C11orf52: variants seen among roughly 807,000 people sequenced by gnomAD.
C11orf52 encodes chromosome 11 open reading frame 52.
In C11orf52, 9 loss-of-function variants were observed where a neutral mutation model predicts 11.7. The observed-to-expected ratio is 0.77, with a 90% CI of 0.46 to 1.34. The LOEUF (loss-of-function observed/expected upper bound fraction) is 1.34. Among genes scored for constraint, C11orf52 ranks in the 40% most tolerant of loss-of-function variants. C11orf52 has a pLI of 0.00. For missense variants in C11orf52, 139 were observed against 154.8 expected (o/e 0.90, Z 0.54); for synonymous variants, 49 against 57.4 (o/e 0.85, Z 0.66).
Position 111,926,216 on chromosome 11 carries a change from C to T in C11orf52, c.*17C>T, listed in dbSNP as rs1229964164. ...CTGGTGTGAGCGCTTGGGAGGAAGG[C>T]CCAGTCCATCGTTAACCACTACACC... On this transcript the variant is annotated 3_prime_UTR_variant, in exon 4 of 4. Transcript: ENST00000278601. 1 of 1,611,896 alleles carries T rather than the reference C, an allele frequency of 6.2e-7. No homozygotes were observed. The highest frequency in any genetic ancestry group is 8.5e-7 in the Non-Finnish European group (1 of 1,178,868).
rs887917821 is a variant in C11orf52, at chr11:111,926,249, G to C, written c.*50G>C. 41 of 1,601,370 alleles carry C rather than the reference G, an allele frequency of 2.6e-5. No homozygotes were observed. Among genetic ancestry groups the C allele is most frequent in the Non-Finnish European group, 3.3e-5 (39 of 1,171,672 alleles). On this transcript the variant is annotated 3_prime_UTR_variant, in exon 4 of 4. Coordinates refer to ENST00000278601, the MANE Select transcript of C11orf52 (RefSeq NM_080659.3). ...ATCGTTAACCACTACACCTGTGGGG[G>C]AGAACCTACTGCTTTGGGGAATTGG...
rs782088394 is a variant in C11orf52, at chr11:111,925,953, C to G, written c.133-7C>G. On this transcript the variant is annotated splice_polypyrimidine_tract_variant and splice_region_variant and intron_variant, in intron 3 of 3. Transcript: ENST00000278601. The stretch of plus-strand genomic sequence containing the variant: ...GAATCTCCCTTAATGCTATCCATTC[C>G]TCGCAGGGCCATGAAACAACAGGAC... 1 of 1,614,164 alleles carries G rather than the reference C, an allele frequency of 6.2e-7. No homozygotes were observed. The highest frequency in any genetic ancestry group is 1.7e-5 in the Admixed American group (1 of 60,024).
At chr11:111,925,612 G>C in intron 2 of C11orf52, 41 bp from the exon 3 acceptor site, 1 of 1,595,712 alleles carries the variant, frequency 6.3e-7, no homozygotes. Flanking sequence ...AGTAGAGACA[G>C]GGAAGAGAGA....
chr11:111,925,450 T>C (rs2137405521), intron 2 of C11orf52, among the ~76,000 whole-genome samples: 1 of 152,290 alleles, frequency 6.6e-6, no homozygotes, highest in East Asian at 1.9e-4. Flanking sequence ...TGGAAGATAT[T>C]ATGGCCAGAT....
chr11:111,925,967 A>G lies in C11orf52; in HGVS notation c.140A>G (p.Glu47Gly), dbSNP rs1555166914. The G allele has an allele frequency of 6.2e-7, 1 of 1,614,242 alleles. No homozygotes were observed. Among genetic ancestry groups the G allele is most frequent in the East Asian group, 2.2e-5 (1 of 44,886 alleles). ...GCTATCCATTCCTCGCAGGGCCATG[A>G]AACAACAGGACATACGTATGAACGG... is the stretch of plus-strand genomic sequence containing the variant. Reference protein sequence around the residue: ...QLQQNLPKGHETTGHTYERVL... With the variant: ...QLQQNLPKGHGTTGHTYERVL... The change falls in exon 4 of 4, where the codon GAA (glutamate) becomes GGA (glycine). Residue 47 changes from glutamate to glycine, a missense_variant. By Grantham distance (98) the Glu-to-Gly change is moderately conservative. Transcript: ENST00000278601.
chr11:111,925,051 G>A (rs944759964), intron 2 of C11orf52, among the ~76,000 whole-genome samples: 2 of 152,156 alleles, frequency 1.3e-5, no homozygotes, highest in Non-Finnish European at 2.9e-5. Flanking sequence ...TTGAACCCAG[G>A]AGATGGAGGT....
At chr11:111,923,256 T>C (rs1555166678) in intron 1 of C11orf52, among the ~76,000 whole-genome samples, 1 of 152,248 alleles carries the variant, frequency 6.6e-6, no homozygotes, top group Non-Finnish European at 1.5e-5. Flanking sequence ...CTGAACCACC[T>C]GTAGAGTTTG....
At chr11:111,921,654 C>T (rs1965701030) in intron 1 of C11orf52, among the ~76,000 whole-genome samples, 2 of 152,158 alleles carry the variant, frequency 1.3e-5, no homozygotes, top group African/African-American at 4.8e-5. Flanking sequence ...CTTTTATTCT[C>T]TTTCTTCCCA....
Position 111,926,380 on chromosome 11 carries a change from A to T in C11orf52, c.*181A>T. On this transcript the variant is annotated 3_prime_UTR_variant, in exon 4 of 4. Transcript: ENST00000278601. ...CCCTGGCCTCTTACTTGCCACTGTT[A>T]GGTTGGAGTTAATAGTTGGTTTAGC... is the stretch of plus-strand genomic sequence containing the variant. 1 of 888,472 alleles carries T rather than the reference A, an allele frequency of 1.1e-6. No individual in the cohort carries two copies. The highest frequency in any genetic ancestry group is 1.7e-6 in the Non-Finnish European group (1 of 597,786). 55.0% of individuals were successfully genotyped at this position (888,472 alleles called of 1,614,324 possible). A position where few individuals can be genotyped will look rare whatever the true frequency, so the allele number is the denominator to read the frequency against.
chr11:111,926,821 TG>T lies in C11orf52; in HGVS notation c.*624del, dbSNP rs1475646517. ...TGGAAACTTCCCTCGGAGGGACTGT[TG>T]GCTCTCGCAGGTGCGGGGCCGCTAG... On this transcript the variant is annotated 3_prime_UTR_variant, in exon 4 of 4. Coordinates refer to ENST00000278601, the MANE Select transcript of C11orf52 (RefSeq NM_080659.3). The T allele has an allele frequency of 2.0e-5, 3 of 153,078 alleles. No individual in the cohort carries two copies. The highest frequency in any genetic ancestry group is 3.8e-4 in the East Asian group (2 of 5,204). 9.5% of individuals were successfully genotyped at this position (153,078 alleles called of 1,614,324 possible).
In C11orf52 at chr11:111,926,233, C is replaced by T. The variant is rs782559926; in HGVS notation, c.*34C>T. 21 of 1,608,174 alleles carry T rather than the reference C, an allele frequency of 1.3e-5. No homozygotes were observed. The highest frequency in any genetic ancestry group is 1.6e-5 in the Non-Finnish European group (19 of 1,176,118). ...GAGGAAGGCCCAGTCCATCGTTAAC[C>T]ACTACACCTGTGGGGGAGAACCTAC... is the stretch of plus-strand genomic sequence containing the variant. On this transcript the variant is annotated 3_prime_UTR_variant, in exon 4 of 4. Transcript: ENST00000278601.
At chr11:111,920,265 G>C (rs1257036116) in intron 1 of C11orf52, among the ~76,000 whole-genome samples, 1 of 152,150 alleles carries the variant, frequency 6.6e-6, no homozygotes, top group African/African-American at 2.4e-5. Context: ...GTCGGATGCA[G>C]TGACTCACAC....
chr11:111,925,542 G>A (rs1171383662), intron 2 of C11orf52, 111 bp from the exon 3 acceptor site: 1 of 1,058,646 alleles, frequency 9.4e-7, no homozygotes, highest in African/African-American at 1.6e-5. Context: ...AATGGAGGCA[G>A]GGGGATTAGA....
intron 2 of C11orf52, 44 bp downstream of exon 2, chr11:111,924,407 G>C (rs201092192): frequency 1.3e-4 from 208 of 1,543,352 alleles, no homozygotes; most frequent in Non-Finnish European, 1.8e-4. Context: ...AGGCAAATTA[G>C]AGAAGACAAT....
chr11:111,924,840 G>T (rs1965760433), intron 2 of C11orf52, among the ~76,000 whole-genome samples: 2 of 152,196 alleles, frequency 1.3e-5, no homozygotes, highest in African/African-American at 4.8e-5. Flanking sequence ...TAATAGCAAA[G>T]GGCCAGGCGT....
chr11:111,919,447 T>TG (rs1965652942), intron 1 of C11orf52, among the ~76,000 whole-genome samples: 1 of 151,948 alleles, frequency 6.6e-6, no homozygotes, highest in Non-Finnish European at 1.5e-5. Flanking sequence ...CACTCCAGCC[T>TG]GGCAACAGAG....
chr11:111,920,460 C>T (rs1207640487), intron 1 of C11orf52, among the ~76,000 whole-genome samples: 2 of 151,886 alleles, frequency 1.3e-5, no homozygotes, highest in South Asian at 2.1e-4. Context: ...ATCCCTTAAG[C>T]TTGGGAGACA....
intron 1 of C11orf52, among the ~76,000 whole-genome samples, chr11:111,923,329 A>G (rs1555166687): frequency 6.6e-6 from 1 of 152,240 alleles, no homozygotes; most frequent in African/African-American, 2.4e-5. Context: ...ACATCAAAAC[A>G]GAAACCTCTG....
In C11orf52 at chr11:111,924,351, A is replaced by T. The variant is rs1566428005; in HGVS notation, c.58A>T (p.Lys20Ter). ...SWSCPSTFQK[K>*]KKTGSQTRRT... ...GAGCTGCCCATCAACTTTCCAGAAG[A>T]AAAAGAAAACAGGTAACTTTGGGGC... The change falls in exon 2 of 4, where the codon AAA becomes TAA. Residue 20 changes from lysine to a stop codon, truncating the protein, a stop_gained. Coordinates refer to ENST00000278601, the MANE Select transcript of C11orf52 (RefSeq NM_080659.3). LOFTEE classifies it high-confidence loss of function. 8 of 1,613,700 alleles carry T rather than the reference A, an allele frequency of 5.0e-6. No individual in the cohort carries two copies. Among genetic ancestry groups the T allele is most frequent in the Non-Finnish European group, 6.8e-6 (8 of 1,179,774 alleles).
Sources: gnomAD v4.1 joint callset for allele counts (sites outside exome capture counted in the v4.1 genomes callset) on GRCh38, gnomAD v4.1.1 for gene constraint, MANE v1.5 for transcripts, NCBI Gene and HGNC (gene_info 2026-07-23, HGNC 2026-07-21) for gene names.